ARID1B: variants seen among roughly 807,000 people sequenced by gnomAD.
ARID1B encodes AT-rich interaction domain 1B.
ARID1B carries 30 observed loss-of-function variants against 212.3 expected under a neutral mutation model. The ratio of observed to expected loss-of-function variants is 0.14; its 90% CI spans 0.11 to 0.19. The LOEUF is 0.19. Ranked by LOEUF, ARID1B falls within the 10% of genes least tolerant of loss-of-function variation. The probability of loss-of-function intolerance (pLI) is 1.00; values close to 1 mark genes in which losing one functional copy is unlikely to be tolerated. For synonymous variants in ARID1B, 1,402 were observed against 1,301.7 expected (o/e 1.08, Z -1.66); for missense variants, 2,891 against 3,204.0 (o/e 0.90, Z 2.36).
chr6:156,961,914 C>T (rs769481133), intron 4 of ARID1B, among the ~76,000 whole-genome samples: 4 of 152,168 alleles, frequency 2.6e-5, no homozygotes, highest in Non-Finnish European at 5.9e-5. Flanking sequence ...AAGTCAATTT[C>T]ACCATAACAC....
intron 4 of ARID1B, chr6:157,036,635 C>G (rs760784432): frequency 2.9e-6 from 1 of 343,340 alleles, no homozygotes; most frequent in Non-Finnish European, 5.8e-6. Context: ...TCTTATAGAA[C>G]TGAAACCCAG....
intron 6 of ARID1B, among the ~76,000 whole-genome samples, chr6:157,132,743 A>G (rs1359642370): frequency 6.6e-6 from 1 of 152,120 alleles, no homozygotes; most frequent in Non-Finnish European, 1.5e-5. Flanking sequence ...AAGAGAGGTT[A>G]AGGTCATTTG....
At chr6:157,204,866 G>A (rs1000932133) in intron 19 of ARID1B, 7 of 152,096 alleles carry the variant, frequency 4.6e-5, no homozygotes, top group African/African-American at 1.7e-4. Flanking sequence ...TAATTTCCTT[G>A]CTTCTAAGGA....
rs140752174 is a variant in ARID1B, at chr6:157,183,819, G to A, written c.3715-412G>A. ...AAGCAGTCTTGGGGTGAGGGGATGG[G>A]TACGGCCCAGAATCACAGGCCCACT... On this transcript the variant is annotated intron_variant, in intron 12 of 19. Transcript: ENST00000636930. 2.9e-3 allele frequency among the ~76,000 whole-genome samples: 439 copies of A among 152,320 alleles called. 2 individuals are homozygous for A. The highest frequency in any genetic ancestry group is 0.01 in the African/African-American group (420 of 41,558).
At chr6:157,136,859 CT>C (rs1788949296) in intron 7 of ARID1B, among the ~76,000 whole-genome samples, 1 of 151,872 alleles carries the variant, frequency 6.6e-6, no homozygotes, top group Non-Finnish European at 1.5e-5. Context: ...GAGACCCTGT[CT>C]TTAAAAAAAC....
At chr6:157,036,946 C>A in intron 4 of ARID1B, 1 of 440,560 alleles carries the variant, frequency 2.3e-6, no homozygotes, top group Non-Finnish European at 4.4e-6. Context: ...GAAGGTTCAA[C>A]AGAGGGGACT....
intron 2 of ARID1B, among the ~76,000 whole-genome samples, chr6:156,840,245 G>A (rs1181155386): frequency 2.0e-5 from 3 of 152,098 alleles, no homozygotes; most frequent in Non-Finnish European, 2.9e-5. Context: ...TCCTCCTGCT[G>A]GGAAGTCTTG....
chr6:157,144,967 C>T (rs1481350208), intron 7 of ARID1B, among the ~76,000 whole-genome samples: 3 of 152,208 alleles, frequency 2.0e-5, no homozygotes, highest in Admixed American at 6.5e-5. Flanking sequence ...AAGCAGTTTG[C>T]CTTTAAGGAG....
At chr6:156,825,101 G>A (rs2128031671) in intron 1 of ARID1B, among the ~76,000 whole-genome samples, 1 of 152,264 alleles carries the variant, frequency 6.6e-6, no homozygotes, top group South Asian at 2.1e-4. Flanking sequence ...CTGAGCTCAG[G>A]CAATCCACCT....
chr6:157,180,380 A>C (rs933288353), intron 11 of ARID1B, among the ~76,000 whole-genome samples: 38 of 147,202 alleles, frequency 2.6e-4, no homozygotes, highest in African/African-American at 1.0e-3. Context: ...AAAAAAAAAA[A>C]CAAAAAAAAA....
chr6:157,010,283 T>G (rs969495835), intron 4 of ARID1B, among the ~76,000 whole-genome samples: 1 of 79,096 alleles, frequency 1.3e-5, no homozygotes, highest in South Asian at 5.1e-4. Context: ...TGCCTGTTTT[T>G]TTTTTTTTTT....
chr6:157,161,431 G>GTGTGTGTGTATATATATATA (rs540423195), intron 8 of ARID1B, among the ~76,000 whole-genome samples: 1 of 139,380 alleles, frequency 7.2e-6, no homozygotes, highest in African/African-American at 2.8e-5. Context: ...TTGTGTGTGT[G>GTGTGTGTGTATATATATATA]TATATATATA....
chr6:156,785,613 A>T (rs909087699), intron 1 of ARID1B, among the ~76,000 whole-genome samples: 2 of 152,082 alleles, frequency 1.3e-5, no homozygotes, highest in African/African-American at 4.8e-5. Context: ...AGTGGCATTA[A>T]GTACATTGTC....
intron 4 of ARID1B, chr6:157,024,333 T>C (rs1420779945): frequency 6.6e-6 from 1 of 152,268 alleles, no homozygotes; most frequent in Non-Finnish European, 1.5e-5. Context: ...TGTTTGGTTG[T>C]AAATTATTTC....
At chr6:157,013,376 T>C (rs1390451027) in intron 4 of ARID1B, among the ~76,000 whole-genome samples, 1 of 152,210 alleles carries the variant, frequency 6.6e-6, no homozygotes, top group Non-Finnish European at 1.5e-5. Context: ...ATGGACTTAG[T>C]ACCATTCATG....
At chr6:156,882,069 C>A (rs1205729975) in intron 2 of ARID1B, among the ~76,000 whole-genome samples, 1 of 152,100 alleles carries the variant, frequency 6.6e-6, no homozygotes, top group East Asian at 1.9e-4. Context: ...AAAATTCTGC[C>A]CCATCACTGC....
chr6:157,008,050 G>A (rs181763053), intron 4 of ARID1B, among the ~76,000 whole-genome samples: 2 of 152,240 alleles, frequency 1.3e-5, no homozygotes, highest in East Asian at 1.9e-4. Context: ...TTTAAATTCG[G>A]CAAATAAGTG....
At chr6:156,945,824 A>G (rs1256104891) in intron 4 of ARID1B, among the ~76,000 whole-genome samples, 1 of 152,164 alleles carries the variant, frequency 6.6e-6, no homozygotes, top group Non-Finnish European at 1.5e-5. Flanking sequence ...CCTGGCCAAC[A>G]TGGTGAAACC....
intron 11 of ARID1B, among the ~76,000 whole-genome samples, chr6:157,177,207 G>C (rs1026843403): frequency 6.6e-6 from 1 of 152,176 alleles, no homozygotes; most frequent in African/African-American, 2.4e-5. Context: ...GTAGTAGATA[G>C]GAACAAGAGA....
Sources: gnomAD v4.1 joint callset for allele counts (sites outside exome capture counted in the v4.1 genomes callset) on GRCh38, gnomAD v4.1.1 for gene constraint, MANE v1.5 for transcripts, NCBI Gene and HGNC (gene_info 2026-07-23, HGNC 2026-07-21) for gene names.